ZNF343: variants seen among roughly 807,000 people sequenced by gnomAD.
ZNF343 encodes the protein zinc finger protein 343.
ZNF343 carries 11 observed loss-of-function variants against 13.8 expected under a neutral mutation model. The observed-to-expected ratio is 0.80, with a 90% CI of 0.50 to 1.32. The LOEUF is 1.32. Ranked by LOEUF, ZNF343 falls within the 40% of genes most tolerant of loss-of-function variation. The pLI is 0.00. For synonymous variants in ZNF343, 248 were observed against 260.0 expected (o/e 0.95, Z 0.44); for missense variants, 658 against 714.2 (o/e 0.92, Z 0.90).
intron 2 of ZNF343, among the ~76,000 whole-genome samples, chr20:2,497,351 T>G (rs1232224129): frequency 6.6e-6 from 1 of 151,984 alleles, no homozygotes; most frequent in African/African-American, 2.4e-5. Flanking sequence ...GACTAAGCTC[T>G]GGAGGACTCC....
At chr20:2,499,282 G>A (rs6114586) in intron 2 of ZNF343, among the ~76,000 whole-genome samples, 55,215 of 137,592 alleles carry the variant, frequency 0.4, 11,368 homozygotes, top group Non-Finnish European at 0.44. Context: ...CGGCTAAAAC[G>A]GTGAAACCCC....
rs534758353 is a variant in ZNF343, at chr20:2,504,442, T to A, written c.-236-3700A>T. Reference sequence around the variant, plus strand: ...AGAAAAAGAAGGAATCCTCCCTAACTCATTTTATGAGGCCAGCATCATCCT... The same window carrying A: ...AGAAAAAGAAGGAATCCTCCCTAACACATTTTATGAGGCCAGCATCATCCT... On this transcript the variant is annotated intron_variant, in intron 1 of 5. Transcript: ENST00000278772. 3.3e-5 allele frequency among the ~76,000 whole-genome samples: 5 copies of A among 152,290 alleles called. No individual in the cohort carries two copies. The East Asian group carries it at 9.6e-4, about 29-fold the overall frequency.
intron 1 of ZNF343, among the ~76,000 whole-genome samples, chr20:2,521,940 C>CA (rs1220454532): frequency 1.3e-5 from 2 of 152,180 alleles, no homozygotes; most frequent in African/African-American, 4.8e-5. Flanking sequence ...ATGCGTTTCT[C>CA]AGCTTCTTTG....
intron 2 of ZNF343, among the ~76,000 whole-genome samples, chr20:2,498,041 A>G (rs184790205): frequency 1.3e-4 from 20 of 152,306 alleles, no homozygotes; most frequent in African/African-American, 4.6e-4. Flanking sequence ...TTCATGGTCC[A>G]GTGAGGGAAA....
chr20:2,502,417 AC>A (rs1371820166), intron 1 of ZNF343, among the ~76,000 whole-genome samples: 1 of 152,216 alleles, frequency 6.6e-6, no homozygotes, highest in Non-Finnish European at 1.5e-5. Context: ...AACTTCCCCA[AC>A]CTAGCAAGGC....
rs1376569736 is a variant in ZNF343 at position 2,508,341 on chromosome 20, C to T, written c.-237+540G>A. Among the ~76,000 whole-genome samples, 1 of 152,000 alleles carries T rather than the reference C, an allele frequency of 6.6e-6. No homozygotes were observed. The highest frequency in any genetic ancestry group is 1.5e-5 in the Non-Finnish European group (1 of 68,010). On this transcript the variant is annotated intron_variant, in intron 1 of 5. Coordinates refer to ENST00000278772, the MANE Select transcript of ZNF343 (RefSeq NM_024325.6). The surrounding 1 kb of genome is among the most constrained non-coding windows in gnomAD (Gnocchi z 4.5). ...GCATCAAGGCCTGAGACGGCCTCCCCCTAACCACCCCGGTCACCACTCGGG... is the reference window on the plus strand; with the variant it reads ...GCATCAAGGCCTGAGACGGCCTCCCTCTAACCACCCCGGTCACCACTCGGG...
At position 2,507,247 on chromosome 20, in the gene ZNF343, A is replaced by G. The variant is rs529233972; in HGVS notation, c.-237+1634T>C. On this transcript the variant is annotated intron_variant, in intron 1 of 5. Transcript: ENST00000278772. The stretch of plus-strand genomic sequence containing the variant: ...CCACTGCACTCCAGCCTGGGCAACA[A>G]GAGTGAAACTGTGTCTCAAAAAAAA... Among the ~76,000 whole-genome samples, 119 of 150,242 alleles carry G rather than the reference A, an allele frequency of 7.9e-4. 1 individual carries two copies. Among genetic ancestry groups the G allele is most frequent in the African/African-American group, 2.7e-3 (110 of 40,584 alleles).
At chr20:2,505,460 T>C (rs2085639712) in intron 1 of ZNF343, among the ~76,000 whole-genome samples, 1 of 152,140 alleles carries the variant, frequency 6.6e-6, no homozygotes, top group Non-Finnish European at 1.5e-5. Flanking sequence ...TCAAAGTTCA[T>C]ATGGAACCAA....
intron 1 of ZNF343, among the ~76,000 whole-genome samples, chr20:2,523,677 CTTTT>C (rs3051730): frequency 1.9e-5 from 2 of 102,794 alleles, no homozygotes; most frequent in African/African-American, 3.9e-5. Flanking sequence ...GCTATGTGTA[CTTTT>C]TTTTTTTTTT....
intron 1 of ZNF343, among the ~76,000 whole-genome samples, chr20:2,513,941 C>T (rs2085748888): frequency 6.6e-6 from 1 of 152,050 alleles, no homozygotes; most frequent in Non-Finnish European, 1.5e-5. Flanking sequence ...TCCATGGAGA[C>T]AGAAAGTAGA....
chr20:2,520,721 C>A (rs2085778763), intron 1 of ZNF343, among the ~76,000 whole-genome samples: 1 of 152,170 alleles, frequency 6.6e-6, no homozygotes, highest in Non-Finnish European at 1.5e-5. Flanking sequence ...GGCAGGCACC[C>A]CCTGTAAAGC....
At chr20:2,498,612 CATCAGAT>C (rs917296925) in intron 2 of ZNF343, among the ~76,000 whole-genome samples, 41 of 152,182 alleles carry the variant, frequency 2.7e-4, no homozygotes, top group African/African-American at 9.4e-4. Flanking sequence ...TTCAGATATT[CATCAGAT>C]ATCAATATTA....
chr20:2,502,687 C>T (rs928522008), intron 1 of ZNF343, among the ~76,000 whole-genome samples: 2 of 152,080 alleles, frequency 1.3e-5, no homozygotes, highest in Middle Eastern at 3.2e-3. Context: ...AATTTTCAAC[C>T]CAGAATTTCA....
At chr20:2,497,983 G>T (rs374831551) in intron 2 of ZNF343, among the ~76,000 whole-genome samples, 9 of 152,172 alleles carry the variant, frequency 5.9e-5, no homozygotes, top group African/African-American at 2.2e-4. Flanking sequence ...TAGGCACTGT[G>T]TCAGTGACCC....
upstream of ZNF343, among the ~76,000 whole-genome samples, chr20:2,513,492 T>A (rs1568492944): frequency 6.6e-6 from 1 of 152,192 alleles, no homozygotes; most frequent in African/African-American, 2.4e-5. Context: ...TTGGCAAAGT[T>A]GTGGAGAAAT....
chr20:2,489,959 C>A (rs6036675), intron 5 of ZNF343, among the ~76,000 whole-genome samples: 2 of 150,202 alleles, frequency 1.3e-5, no homozygotes, highest in Non-Finnish European at 2.9e-5. Flanking sequence ...CGAGACCAGC[C>A]TGGACAACAT....
Position 2,484,155 on chromosome 20 carries a change from T to C in ZNF343, c.806A>G (p.Tyr269Cys). 3 of 1,614,248 alleles carry C rather than the reference T, an allele frequency of 1.9e-6. No homozygotes were observed. Among genetic ancestry groups the C allele is most frequent in the African/African-American group, 1.3e-5 (1 of 75,074 alleles). ...GCTTCGCCCACAATCACTGCAAATG[T>C]AGGGCTTCTTCCCTAAGAGGGTCCT... ...NPRTLLGKKP[Y>C]ICSDCGRSFK... Residue 269 changes from tyrosine to cysteine, a missense_variant, in exon 6 of 6, where the codon TAC (tyrosine) becomes TGC (cysteine). Transcript: ENST00000278772.
upstream of ZNF343, chr20:2,524,847 C>G (rs921220868): frequency 7.2e-5 from 11 of 152,574 alleles, no homozygotes; most frequent in African/African-American, 2.2e-4. Flanking sequence ...CTCGAACTCC[C>G]CCTCCCAAAG....
intron 5 of ZNF343, among the ~76,000 whole-genome samples, chr20:2,491,327 A>C (rs1186013418): frequency 6.6e-6 from 1 of 152,224 alleles, no homozygotes; most frequent in East Asian, 1.9e-4. Flanking sequence ...TCATGTTAAA[A>C]TGATATTTTA....
Sources: gnomAD v4.1 joint callset for allele counts (sites outside exome capture counted in the v4.1 genomes callset) on GRCh38, gnomAD v4.1.1 for gene constraint, Gnocchi (gnomAD v3.1) non-coding constraint, MANE v1.5 for transcripts, NCBI Gene and HGNC (gene_info 2026-07-23, HGNC 2026-07-21) for gene names.